Variants in CNTNAP4 observed in about 807,000 individuals in gnomAD.
CNTNAP4 encodes the protein contactin-associated protein-like 4.
A neutral mutation model predicts 148.4 loss-of-function variants in CNTNAP4; 98 were observed. The observed-to-expected ratio is 0.66, with a 90% CI of 0.56 to 0.78. The LOEUF is 0.78. CNTNAP4 is among the 30% of genes least tolerant of loss of function. CNTNAP4 has a pLI of 0.00. For missense variants in CNTNAP4, 1,935 were observed against 1,565.6 expected (o/e 1.24, Z -3.98); for synonymous variants, 730 against 565.1 (o/e 1.29, Z -4.14).
intron 3 of CNTNAP4, among the ~76,000 whole-genome samples, chr16:76,420,413 C>T (rs573491634): frequency 6.6e-6 from 1 of 151,950 alleles, no homozygotes; most frequent in Admixed American, 6.6e-5. Flanking sequence ...AGTGTAATTT[C>T]ATTCACTTTT....
chr16:76,424,867 T>A (rs1252666634), intron 3 of CNTNAP4, among the ~76,000 whole-genome samples: 1 of 152,154 alleles, frequency 6.6e-6, no homozygotes, highest in Non-Finnish European at 1.5e-5. Context: ...AGTTTTAATG[T>A]GCAGTCTAAG....
At chr16:76,290,350 G>A (rs1193098649) in intron 1 of CNTNAP4, among the ~76,000 whole-genome samples, 2 of 152,184 alleles carry the variant, frequency 1.3e-5, no homozygotes, top group Middle Eastern at 3.4e-3. Context: ...CAAGGTTCTC[G>A]CTCTGGCACG....
chr16:76,442,986 C>A (rs1368218173), intron 4 of CNTNAP4, among the ~76,000 whole-genome samples: 1 of 152,154 alleles, frequency 6.6e-6, no homozygotes, highest in East Asian at 1.9e-4. Flanking sequence ...GGGGGCTAGA[C>A]TAAAAAGCGG....
chr16:76,303,170 C>T (rs959246305), intron 1 of CNTNAP4, among the ~76,000 whole-genome samples: 1 of 152,144 alleles, frequency 6.6e-6, no homozygotes, highest in Non-Finnish European at 1.5e-5. Context: ...CATGTTATTG[C>T]TCAGAGAAGC....
In CNTNAP4 at chr16:76,448,931, C is replaced by A; in HGVS notation, c.907C>A (p.Leu303Ile). 1.2e-6 allele frequency: 2 copies of A among 1,613,424 alleles called. No homozygotes were observed. The highest frequency in any genetic ancestry group is 1.7e-6 in the Non-Finnish European group (2 of 1,179,632). ...TTTCCATGCACGGGGAGAATTCAAT[C>A]TCATGAATCTTGATTATGAGGTGTG... ...HHFHARGEFN[L>I]MNLDYEISFG... The change falls in exon 6 of 24, where the codon CTC becomes ATC. Residue 303 changes from leucine (L) to isoleucine (I), a missense_variant. Transcript: ENST00000611870.
At chr16:76,420,230 G>A (rs1032960674) in intron 3 of CNTNAP4, among the ~76,000 whole-genome samples, 1 of 151,772 alleles carries the variant, frequency 6.6e-6, no homozygotes, top group Non-Finnish European at 1.5e-5. Flanking sequence ...TTAGAATAAT[G>A]TATATTCTGT....
chr16:76,433,732 G>T (rs928990710), intron 4 of CNTNAP4, among the ~76,000 whole-genome samples: 4 of 152,066 alleles, frequency 2.6e-5, no homozygotes, highest in Non-Finnish European at 5.9e-5. Flanking sequence ...TTATTAAAAT[G>T]ATAGTTATAA....
At chr16:76,452,377 G>A in intron 7 of CNTNAP4, 131 bp from the exon 8 acceptor site, 1 of 794,348 alleles carries the variant, frequency 1.3e-6, no homozygotes, top group Admixed American at 2.5e-5. Flanking sequence ...CAGTGGTTTG[G>A]ACTGTCATGT....
At chr16:76,482,847 C>G (rs2081885876) in intron 12 of CNTNAP4, among the ~76,000 whole-genome samples, 1 of 152,132 alleles carries the variant, frequency 6.6e-6, no homozygotes, top group South Asian at 2.1e-4. Context: ...ATGGATCTTC[C>G]CAAATGATTC....
intron 1 of CNTNAP4, among the ~76,000 whole-genome samples, chr16:76,307,701 A>G (rs1434963714): frequency 1.3e-5 from 2 of 151,934 alleles, no homozygotes; most frequent in African/African-American, 2.4e-5. Flanking sequence ...TTTCTAAAAA[A>G]TTATTATTTC....
chr16:76,293,860 C>T (rs1306451349), intron 1 of CNTNAP4, among the ~76,000 whole-genome samples: 1 of 150,602 alleles, frequency 6.6e-6, no homozygotes, highest in South Asian at 2.1e-4. Flanking sequence ...AATTGATGCC[C>T]GTGACTGAAT....
At chr16:76,412,772 A>G (rs1368716453) in intron 3 of CNTNAP4, among the ~76,000 whole-genome samples, 1 of 151,436 alleles carries the variant, frequency 6.6e-6, no homozygotes, top group Non-Finnish European at 1.5e-5. Flanking sequence ...TCTTTCTATT[A>G]TAACATTTTT....
intron 1 of CNTNAP4, among the ~76,000 whole-genome samples, chr16:76,296,589 C>T (rs9925731): frequency 6.6e-6 from 1 of 151,880 alleles, no homozygotes; most frequent in Admixed American, 6.6e-5. Context: ...TGTTCTAGAA[C>T]ACAGGCATAT....
intron 11 of CNTNAP4, among the ~76,000 whole-genome samples, chr16:76,477,589 T>G (rs2081638843): frequency 6.6e-6 from 1 of 152,124 alleles, no homozygotes; most frequent in Non-Finnish European, 1.5e-5. Context: ...CTACCACTGT[T>G]GTTGGAGTCA....
intron 3 of CNTNAP4, among the ~76,000 whole-genome samples, chr16:76,391,785 A>G (rs952527981): frequency 2.0e-5 from 3 of 152,162 alleles, no homozygotes; most frequent in African/African-American, 7.2e-5. Flanking sequence ...ATCATCAGAG[A>G]GACAAAACTT....
intron 17 of CNTNAP4, among the ~76,000 whole-genome samples, chr16:76,531,590 A>G (rs1408308241): frequency 6.6e-6 from 1 of 152,206 alleles, no homozygotes; most frequent in Non-Finnish European, 1.5e-5. Flanking sequence ...TCCAAACGTA[A>G]TAGCTCAGTG....
chr16:76,364,849 C>G (rs2013916207), intron 3 of CNTNAP4, among the ~76,000 whole-genome samples: 1 of 152,146 alleles, frequency 6.6e-6, no homozygotes. Flanking sequence ...ATGATAGTTT[C>G]TTTTGCTGTG....
intron 15 of CNTNAP4, among the ~76,000 whole-genome samples, chr16:76,502,831 G>A (rs1168660112): frequency 3.3e-5 from 5 of 151,804 alleles, no homozygotes; most frequent in Admixed American, 2.0e-4. Context: ...AAGTGAGAAT[G>A]AAAAAAGTAG....
chr16:76,521,972 T>C, intron 16 of CNTNAP4, 67 bp from the exon 17 acceptor site: 2 of 1,365,994 alleles, frequency 1.5e-6, no homozygotes, highest in Non-Finnish European at 2.1e-6. Context: ...TGTTCCTAAG[T>C]ATATTGGAGA....
Sources: gnomAD v4.1 joint callset for allele counts (sites outside exome capture counted in the v4.1 genomes callset) on GRCh38, gnomAD v4.1.1 for gene constraint, MANE v1.5 for transcripts, NCBI Gene and HGNC (gene_info 2026-07-23, HGNC 2026-07-21) for gene names.